The following MCU variants were observed in gnomAD, a reference collection of about 807,000 sequenced individuals.
MCU encodes the protein mitochondrial calcium uniporter, also known as calcium uniporter protein, mitochondrial.
MCU carries 12 observed loss-of-function variants against 45.2 expected under a neutral mutation model. That is an observed-to-expected ratio of 0.27 (90% CI 0.17 to 0.43). MCU has a LOEUF of 0.43. MCU is among the 20% of genes least tolerant of loss of function. The probability of loss-of-function intolerance (pLI) is 1.00; values close to 1 mark genes in which losing one functional copy is unlikely to be tolerated. For synonymous variants in MCU, 160 were observed against 165.1 expected, an observed-to-expected ratio of 0.97 and a Z score of 0.24; for missense variants, 324 against 436.7, an observed-to-expected ratio of 0.74 and a Z score of 2.30.
intron 1 of MCU, among the ~76,000 whole-genome samples, chr10:72,800,169 T>C (rs1286609486): frequency 2.0e-5 from 3 of 152,330 alleles, no homozygotes; most frequent in Admixed American, 6.5e-5. Context: ...CCAGTTGCGA[T>C]GTGTCTTTTC....
chr10:72,723,845 A>T (rs1321871641), intron 1 of MCU, among the ~76,000 whole-genome samples: 1 of 152,236 alleles, frequency 6.6e-6, no homozygotes, highest in Non-Finnish European at 1.5e-5. Flanking sequence ...CAGATAGAAT[A>T]GGTTACCGCC....
At position 72,701,684 on chromosome 10, in the gene MCU, G is replaced by A. The variant is rs530777771; in HGVS notation, c.150+9383G>A. Among the ~76,000 whole-genome samples the A allele has an allele frequency of 2.4e-4, 37 of 151,936 alleles. No homozygotes were observed. The South Asian group carries it at 5.8e-3, about 24-fold the overall frequency. On this transcript the variant is annotated intron_variant, in intron 1 of 7. Transcript: ENST00000373053. ...TGGGACTACAGGTACACACCACCAC[G>A]CCCGGCTAATTTTTTGTATTTTCTT...
Position 72,812,581 on chromosome 10 carries a change from G to A in MCU, c.151-21778G>A, listed in dbSNP as rs368103472. Among the ~76,000 whole-genome samples the A allele has an allele frequency of 5.9e-5, 9 of 152,248 alleles. No homozygotes were observed. In the East Asian group the frequency reaches 1.4e-3, roughly 23 times the overall value. ...TAGTGGTTGAAGACATGATGCAAAAGGACAAAGGAACCTCAGGGATGGTCT... is the reference window on the plus strand; with the variant it reads ...TAGTGGTTGAAGACATGATGCAAAAAGACAAAGGAACCTCAGGGATGGTCT... On this transcript the variant is annotated intron_variant, in intron 1 of 7. Coordinates refer to ENST00000373053, the MANE Select transcript of MCU (RefSeq NM_138357.3).
At chr10:72,808,730 A>G (rs1457456046) in intron 1 of MCU, among the ~76,000 whole-genome samples, 1 of 152,202 alleles carries the variant, frequency 6.6e-6, no homozygotes, top group Non-Finnish European at 1.5e-5. Flanking sequence ...GGCTAGAATC[A>G]TGGCGGAAGG....
chr10:72,709,712 A>G (rs1014205647), intron 1 of MCU, among the ~76,000 whole-genome samples: 1 of 152,204 alleles, frequency 6.6e-6, no homozygotes, highest in African/African-American at 2.4e-5. Flanking sequence ...AGAAAATGAA[A>G]TCTTGTTTTC....
At chr10:72,698,630 G>C (rs1589421571) in intron 1 of MCU, among the ~76,000 whole-genome samples, 1 of 152,088 alleles carries the variant, frequency 6.6e-6, no homozygotes, top group Non-Finnish European at 1.5e-5. Context: ...TTAGCCTCCC[G>C]AGTAGATGGG....
intron 6 of MCU, among the ~76,000 whole-genome samples, chr10:72,879,158 G>A (rs1487739669): frequency 6.6e-6 from 1 of 152,186 alleles, no homozygotes; most frequent in African/African-American, 2.4e-5. Flanking sequence ...AGCTACTCGG[G>A]AGGCTGAGGC....
chr10:72,835,285 G>A (rs1844940597), intron 2 of MCU, among the ~76,000 whole-genome samples: 2 of 152,190 alleles, frequency 1.3e-5, no homozygotes, highest in South Asian at 2.1e-4. Context: ...TGGTAGTGGA[G>A]GGAGATGTGT....
At chr10:72,798,399 C>T (rs1844284747) in intron 1 of MCU, among the ~76,000 whole-genome samples, 1 of 152,078 alleles carries the variant, frequency 6.6e-6, no homozygotes, top group Non-Finnish European at 1.5e-5. Context: ...TCAAGCAATT[C>T]TCCTGCCGCA....
At chr10:72,718,918 A>T (rs1332071422) in intron 1 of MCU, among the ~76,000 whole-genome samples, 1 of 152,202 alleles carries the variant, frequency 6.6e-6, no homozygotes, top group Non-Finnish European at 1.5e-5. Flanking sequence ...ATTCAAAAGC[A>T]GGTAAAACTA....
chr10:72,867,005 A>G (rs1200344699), intron 4 of MCU, among the ~76,000 whole-genome samples: 1 of 150,588 alleles, frequency 6.6e-6, no homozygotes, highest in Non-Finnish European at 1.5e-5. Context: ...TTGGAACTCA[A>G]AGTGCTCTTG....
chr10:72,870,413 G>C (rs1451356189), intron 5 of MCU, among the ~76,000 whole-genome samples: 1 of 152,056 alleles, frequency 6.6e-6, no homozygotes, highest in Non-Finnish European at 1.5e-5. Context: ...CGAGTGGCTG[G>C]GACTACAGGC....
intron 1 of MCU, among the ~76,000 whole-genome samples, chr10:72,822,382 C>T (rs1844726618): frequency 6.6e-6 from 1 of 152,074 alleles, no homozygotes; most frequent in Admixed American, 6.5e-5. Flanking sequence ...ATTCTATGGC[C>T]ATTAAAAAGT....
rs576938737 is a variant in MCU, at chr10:72,791,946, G to C, written c.151-42413G>C. 3.9e-5 allele frequency among the ~76,000 whole-genome samples: 6 copies of C among 152,166 alleles called. No individual in the cohort carries two copies. The East Asian group carries it at 1.2e-3, about 29-fold the overall frequency. On this transcript the variant is annotated intron_variant, in intron 1 of 7. Coordinates refer to ENST00000373053, the MANE Select transcript of MCU (RefSeq NM_138357.3). ...CTATACATGTAGTAATTTTAAAGAGGGGGGATTTTGAAGTCAAGTTTGAAT... is the reference window on the plus strand; with the variant it reads ...CTATACATGTAGTAATTTTAAAGAGCGGGGATTTTGAAGTCAAGTTTGAAT...
intron 1 of MCU, among the ~76,000 whole-genome samples, chr10:72,694,640 A>ATCT (rs1554818312): frequency 6.6e-6 from 1 of 152,206 alleles, no homozygotes; most frequent in Non-Finnish European, 1.5e-5. Context: ...CTAAGGTTGA[A>ATCT]TCTTGCTTGG....
At chr10:72,704,704 A>ACTTTTTTTTTTTTTTT (rs1435890480) in intron 1 of MCU, among the ~76,000 whole-genome samples, 1 of 106,746 alleles carries the variant, frequency 9.4e-6, no homozygotes, top group African/African-American at 4.4e-5. Flanking sequence ...TGCCTGGATA[A>ACTTTTTTTTTTTTTTT]TTTTTTTTTT....
At chr10:72,739,784 G>T (rs1033661377) in intron 1 of MCU, among the ~76,000 whole-genome samples, 5 of 150,346 alleles carry the variant, frequency 3.3e-5, no homozygotes, top group African/African-American at 9.8e-5. Flanking sequence ...TCCAGTGATT[G>T]TCTTGCCTTA....
intron 6 of MCU, among the ~76,000 whole-genome samples, chr10:72,880,092 A>G (rs181909921): frequency 2.0e-5 from 3 of 152,346 alleles, no homozygotes; most frequent in Admixed American, 1.3e-4. Flanking sequence ...AATGACATAT[A>G]TGTCTGGAGC....
intron 1 of MCU, among the ~76,000 whole-genome samples, chr10:72,753,179 A>C (rs1300615173): frequency 6.6e-6 from 1 of 152,226 alleles, no homozygotes; most frequent in South Asian, 2.1e-4. Flanking sequence ...CTAATGAAAT[A>C]ATTTTTTTCT....
Sources: gnomAD v4.1 joint callset for allele counts (sites outside exome capture counted in the v4.1 genomes callset) on GRCh38, gnomAD v4.1.1 for gene constraint, MANE v1.5 for transcripts, NCBI Gene and HGNC (gene_info 2026-07-23, HGNC 2026-07-21) for gene names.